PCDHGB1: variants seen among roughly 807,000 people sequenced by gnomAD.
PCDHGB1 encodes protocadherin gamma subfamily B, 1, also known as protocadherin gamma-B1.
In PCDHGB1, 34 loss-of-function variants were observed where a neutral mutation model predicts 56.6. The ratio of observed to expected loss-of-function variants is 0.60; its 90% CI spans 0.46 to 0.80. The LOEUF (loss-of-function observed/expected upper bound fraction) is 0.80. Ranked by LOEUF, PCDHGB1 falls within the 30% of genes least tolerant of loss-of-function variation. The probability of loss-of-function intolerance (pLI) is 0.00; values close to 1 mark genes in which losing one functional copy is unlikely to be tolerated. For missense variants in PCDHGB1, 1,278 were observed against 1,204.6 expected (o/e 1.06, Z -0.90); for synonymous variants, 561 against 505.9 (o/e 1.11, Z -1.46).
chr5:141,356,194 A>C, intron 1 of PCDHGB1: 2 of 1,609,932 alleles, frequency 1.2e-6, no homozygotes, highest in Non-Finnish European at 1.7e-6. Context: ...AGCTAGAAGC[A>C]AGGTACTGGT....
At chr5:141,498,457 G>A (rs1028236637) in intron 2 of PCDHGB1, among the ~76,000 whole-genome samples, 8 of 152,126 alleles carry the variant, frequency 5.3e-5, no homozygotes, top group African/African-American at 1.9e-4. Flanking sequence ...CTTTTATCCA[G>A]TCTAACCCTG....
At chr5:141,460,159 T>A (rs1313260289) in intron 1 of PCDHGB1, among the ~76,000 whole-genome samples, 3 of 152,260 alleles carry the variant, frequency 2.0e-5, no homozygotes, top group Non-Finnish European at 1.5e-5. Context: ...CTTTGTCACA[T>A]ACATATTTTG....
intron 1 of PCDHGB1, chr5:141,421,405 C>T (rs2096570069): frequency 6.2e-7 from 1 of 1,614,074 alleles, no homozygotes; most frequent in African/African-American, 1.3e-5. Context: ...GCCCCGGGAG[C>T]TGGCGAAGCG....
At chr5:141,385,173 C>A in intron 1 of PCDHGB1, 1 of 1,614,188 alleles carries the variant, frequency 6.2e-7, no homozygotes. Context: ...ATGAGGTCTC[C>A]CTCACCGCGG....
At chr5:141,359,134 T>C (rs1761128999) in intron 1 of PCDHGB1, among the ~76,000 whole-genome samples, 2 of 152,242 alleles carry the variant, frequency 1.3e-5, no homozygotes, top group African/African-American at 4.8e-5. Flanking sequence ...ATACATAGAG[T>C]AAGCTGGAAT....
intron 1 of PCDHGB1, among the ~76,000 whole-genome samples, chr5:141,381,794 T>C (rs901900634): frequency 1.3e-4 from 19 of 150,606 alleles, no homozygotes; most frequent in Admixed American, 9.3e-4. Context: ...GGCAAGGCAA[T>C]TCCCTCTTTC....
At position 141,376,251 on chromosome 5, in the gene PCDHGB1, G is replaced by A. The variant is rs748938190; in HGVS notation, c.2409+23582G>A. 11 of 1,614,110 alleles carry A rather than the reference G, an allele frequency of 6.8e-6. No individual in the cohort carries two copies. The East Asian group carries it at 1.8e-4, about 26-fold the overall frequency. On this transcript the variant is annotated intron_variant, in intron 1 of 3. Transcript: ENST00000523390. ...AGACTGCAGCGCTGGCACAAGTCAC[G>A]CCTGCTGCAGGCTTCGGGAGGTGGC...
chr5:141,438,998 C>A (rs932958148), intron 1 of PCDHGB1, among the ~76,000 whole-genome samples: 7 of 151,836 alleles, frequency 4.6e-5, no homozygotes, highest in Non-Finnish European at 1.0e-4. Flanking sequence ...GGCTAAGGAC[C>A]TGGTTTGTTT....
chr5:141,407,970 C>T, intron 1 of PCDHGB1: 2 of 716,252 alleles, frequency 2.8e-6, no homozygotes, highest in Non-Finnish European at 4.3e-6. Context: ...CAAGCGCTGA[C>T]GCCGGGGATC....
Position 141,351,040 on chromosome 5 carries a change from G to C in PCDHGB1, c.780G>C (p.Arg260=). Residue 260 remains arginine (R), a synonymous_variant, in exon 1 of 4, where the codon CGG becomes CGC. Coordinates refer to ENST00000523390, the MANE Select transcript of PCDHGB1 (RefSeq NM_018922.3). ...ENVPWGTSVL[R]VMATDQDEGI... ...TACCGTGGGGAACCTCCGTGCTGCGGGTGATGGCCACAGACCAGGATGAGG... is the reference window on the plus strand; with the variant it reads ...TACCGTGGGGAACCTCCGTGCTGCGCGTGATGGCCACAGACCAGGATGAGG... 6.2e-7 allele frequency: 1 copy of C among 1,614,076 alleles called. No individual in the cohort carries two copies. Among genetic ancestry groups the C allele is most frequent in the Admixed American group, 1.7e-5 (1 of 60,028 alleles).
chr5:141,432,949 CG>C lies in PCDHGB1; in HGVS notation c.2410-61856del, dbSNP rs930064840. 6.2e-7 allele frequency: 1 copy of C among 1,614,066 alleles called. No individual in the cohort carries two copies. Among genetic ancestry groups the C allele is most frequent in the African/African-American group, 1.3e-5 (1 of 74,930 alleles). ...CACGCCTGCTGCAGGCTTCAGGAGG[CG>C]GCTTGACAGGAGCGCCGGCGTCGCA... On this transcript the variant is annotated intron_variant, in intron 1 of 3. Transcript: ENST00000523390. This position sits in a 1 kb window ranked among gnomAD's most constrained non-coding sequence, Gnocchi z 6.0.
chr5:141,389,935 C>A, intron 1 of PCDHGB1: 1 of 1,614,084 alleles, frequency 6.2e-7, no homozygotes, highest in Non-Finnish European at 8.5e-7. Flanking sequence ...GACCTCCAGG[C>A]TGAGCTGCAG....
At chr5:141,410,047 A>G in intron 1 of PCDHGB1, 1 of 1,612,420 alleles carries the variant, frequency 6.2e-7, no homozygotes. Flanking sequence ...GTGAGCCCGG[A>G]CTCTTCAGCC....
At chr5:141,395,297 T>C in intron 1 of PCDHGB1, 1 of 1,523,916 alleles carries the variant, frequency 6.6e-7, no homozygotes, top group Non-Finnish European at 8.8e-7. Context: ...GCATAAATTA[T>C]GTTTTGAAAA....
At chr5:141,356,331 A>G in intron 1 of PCDHGB1, 1 of 1,554,420 alleles carries the variant, frequency 6.4e-7, no homozygotes, top group African/African-American at 1.4e-5. Context: ...GTGACTCAGG[A>G]GGAAATGGCC....
intron 1 of PCDHGB1, among the ~76,000 whole-genome samples, chr5:141,488,854 A>G (rs923370040): frequency 1.3e-5 from 2 of 152,226 alleles, no homozygotes; most frequent in Admixed American, 1.3e-4. Context: ...AACCTGCAGC[A>G]CGAAGTGAGT....
rs1437791684 is a variant in PCDHGB1, at chr5:141,352,272, T to G, written c.2012T>G (p.Leu671Arg). Residue 671 changes from leucine to arginine, a missense_variant, in exon 1 of 4, where the codon CTC becomes CGC. Leu to Arg is a moderately radical substitution (Grantham distance 102). Coordinates refer to ENST00000523390, the MANE Select transcript of PCDHGB1 (RefSeq NM_018922.3). ...ADSLQEVLPD[L>R]SDRPEPSDPQ... ...AGCCTGCAAGAGGTATTGCCAGACC[T>G]CAGCGACCGCCCTGAGCCCTCTGAC... 1 of 1,613,926 alleles carries G rather than the reference T, an allele frequency of 6.2e-7. No homozygotes were observed. The highest frequency in any genetic ancestry group is 1.3e-5 in the African/African-American group (1 of 74,938).
In PCDHGB1 at chr5:141,487,259, T is replaced by A. The variant is rs2099641960; in HGVS notation, c.2410-7548T>A. 1.9e-6 allele frequency: 3 copies of A among 1,614,014 alleles called. No individual in the cohort carries two copies. The highest frequency in any genetic ancestry group is 1.3e-5 in the African/African-American group (1 of 74,926). ...TCGTCTAACCCTCTACTTGGCTGTGTCCCTAGTGGCAATTTGCTTTGTCTC... is the reference window on the plus strand; with the variant it reads ...TCGTCTAACCCTCTACTTGGCTGTGACCCTAGTGGCAATTTGCTTTGTCTC... On this transcript the variant is annotated intron_variant, in intron 1 of 3. Coordinates refer to ENST00000523390, the MANE Select transcript of PCDHGB1 (RefSeq NM_018922.3). The surrounding 1 kb of genome is among the most constrained non-coding windows in gnomAD (Gnocchi z 5.0).
At chr5:141,455,394 C>T (rs1034564159) in intron 1 of PCDHGB1, among the ~76,000 whole-genome samples, 2 of 152,004 alleles carry the variant, frequency 1.3e-5, no homozygotes, top group African/African-American at 4.8e-5. Context: ...AAGGAGCTCC[C>T]CCTTACAGAG....
Sources: allele counts gnomAD v4.1 joint callset (sites outside exome capture counted in the v4.1 genomes callset), GRCh38; gene constraint gnomAD v4.1.1; non-coding constraint Gnocchi (gnomAD v3.1); transcripts MANE v1.5; gene names NCBI Gene and HGNC (gene_info 2026-07-23, HGNC 2026-07-21).